Variants in PRUNE2 observed in about 807,000 individuals in gnomAD.
PRUNE2 encodes protein prune homolog 2.
A neutral mutation model predicts 252.0 loss-of-function variants in PRUNE2; 164 were observed. The ratio of observed to expected loss-of-function variants is 0.65; its 90% confidence interval spans 0.57 to 0.74. The LOEUF (loss-of-function observed/expected upper bound fraction) is 0.74. Among genes scored for constraint, PRUNE2 ranks in the 30% least tolerant of loss-of-function variants. PRUNE2 has a pLI of 0.00. For synonymous variants in PRUNE2, 1,292 were observed against 1,350.2 expected, an observed-to-expected ratio of 0.96 and a Z score of 0.94; for missense variants, 3,495 against 3,711.0, an observed-to-expected ratio of 0.94 and a Z score of 1.51.
At chr9:76,678,581 G>A (rs572227583) in intron 9 of PRUNE2, among the ~76,000 whole-genome samples, 2 of 152,248 alleles carry the variant, frequency 1.3e-5, no homozygotes, top group African/African-American at 4.8e-5. Flanking sequence ...TATAATCCCA[G>A]CACTTTAGGA....
chr9:76,832,624 TA>T (rs957871312), intron 4 of PRUNE2, among the ~76,000 whole-genome samples: 36 of 151,530 alleles, frequency 2.4e-4, no homozygotes, highest in Admixed American at 9.9e-4. Context: ...CGTTAAGTGT[TA>T]AAAAAAATAC....
intron 1 of PRUNE2, among the ~76,000 whole-genome samples, chr9:76,886,867 T>G (rs953429412): frequency 1.4e-4 from 22 of 152,206 alleles, no homozygotes; most frequent in African/African-American, 5.1e-4. Context: ...GATTATCTAT[T>G]GACTCTAAAA....
At chr9:76,831,032 C>T (rs565010215) in intron 4 of PRUNE2, among the ~76,000 whole-genome samples, 2 of 151,892 alleles carry the variant, frequency 1.3e-5, no homozygotes, top group African/African-American at 4.8e-5. Context: ...CGGGTTCACA[C>T]CATTCTCCTG....
rs942543926 is a variant in PRUNE2, at chr9:76,614,292, A to G, written c.*278T>C. 2 of 501,172 alleles carry G rather than the reference A, an allele frequency of 4.0e-6. No individual in the cohort carries two copies. The highest frequency in any genetic ancestry group is 4.0e-5 in the African/African-American group (2 of 50,502). The allele number at this position is 501,172 out of a possible 1,614,324, so 31.0% of individuals were successfully genotyped here. On this transcript the variant is annotated 3_prime_UTR_variant, in exon 19 of 19. Coordinates refer to ENST00000376718, the MANE Select transcript of PRUNE2 (RefSeq NM_015225.3). The stretch of plus-strand genomic sequence containing the variant: ...CCAGTCTAAGGGACAAAGTATCACT[A>G]CACCGTGTTAATGAAGTATTGAAAT...
At chr9:76,812,623 T>C (rs751058322) in intron 6 of PRUNE2, among the ~76,000 whole-genome samples, 1 of 152,262 alleles carries the variant, frequency 6.6e-6, no homozygotes, top group Admixed American at 6.5e-5. Context: ...CTTATGCTTA[T>C]GCCCAACACC....
intron 9 of PRUNE2, among the ~76,000 whole-genome samples, chr9:76,702,352 C>G (rs1009185315): frequency 2.6e-5 from 4 of 152,194 alleles, no homozygotes; most frequent in African/African-American, 7.2e-5. Context: ...ACCACCGCAC[C>G]TGGCCGATAT....
intron 6 of PRUNE2, chr9:76,736,482 G>A (rs1392562763): frequency 1.3e-5 from 2 of 152,202 alleles, no homozygotes; most frequent in African/African-American, 4.8e-5. Context: ...ATAAACAACA[G>A]AAATTTATCT....
intron 1 of PRUNE2, among the ~76,000 whole-genome samples, chr9:76,891,001 C>T (rs534338979): frequency 2.5e-4 from 38 of 152,328 alleles, no homozygotes; most frequent in African/African-American, 8.9e-4. Flanking sequence ...TTCATCTTTG[C>T]GCATATTGGC....
Position 76,709,830 on chromosome 9 carries a change from G to GT in PRUNE2, c.2443dup (p.Thr815AsnfsTer15). On this transcript the variant is annotated frameshift_variant, in exon 8 of 19. Coordinates refer to ENST00000376718, the MANE Select transcript of PRUNE2 (RefSeq NM_015225.3). LOFTEE classifies it high-confidence loss of function. ...GCTGCTTGTTGGGTGCAAATTCCAG[G>GT]TATTTTTTAAAGCTTCATCATGATC... 1 of 1,613,902 alleles carries GT rather than the reference G, an allele frequency of 6.2e-7. No individual in the cohort carries two copies. Among genetic ancestry groups the GT allele is most frequent in the Non-Finnish European group, 8.5e-7 (1 of 1,179,854 alleles).
chr9:76,819,711 G>A (rs763045301), intron 6 of PRUNE2, among the ~76,000 whole-genome samples: 2 of 152,184 alleles, frequency 1.3e-5, no homozygotes, highest in Non-Finnish European at 2.9e-5. Flanking sequence ...CGCTAATAAT[G>A]ACTAACAGTC....
intron 4 of PRUNE2, among the ~76,000 whole-genome samples, chr9:76,838,783 G>A (rs2059216968): frequency 6.6e-6 from 1 of 152,018 alleles, no homozygotes; most frequent in Non-Finnish European, 1.5e-5. Flanking sequence ...GTTAACGCTA[G>A]TTAGGGAGGG....
intron 7 of PRUNE2, among the ~76,000 whole-genome samples, chr9:76,712,650 C>T (rs756892339): frequency 9.9e-5 from 15 of 152,254 alleles, no homozygotes; most frequent in Non-Finnish European, 1.8e-4. Context: ...ATGTTGTAGG[C>T]TTCCAAGGCC....
intron 9 of PRUNE2, among the ~76,000 whole-genome samples, chr9:76,667,401 C>G (rs114771402): frequency 0.014 from 2,156 of 152,356 alleles, 42 homozygotes; most frequent in African/African-American, 0.049. Context: ...GCAGAACTGG[C>G]TGGGCTGGCA....
rs542380098 is a variant in PRUNE2, at chr9:76,707,772, T to C, written c.4502A>G (p.His1501Arg). ...FGDVPIDSDV[H>R]VSSTCSEITK... Reference sequence around the variant, plus strand: ...TATCTCAGAACATGTGCTGCTGACATGCACATCACTGTCTATAGGGACGTC... The same window carrying C: ...TATCTCAGAACATGTGCTGCTGACACGCACATCACTGTCTATAGGGACGTC... Residue 1501 changes from histidine to arginine, a missense_variant, in exon 8 of 19, where the codon CAT becomes CGT. Coordinates refer to ENST00000376718, the MANE Select transcript of PRUNE2 (RefSeq NM_015225.3). 243 of 1,613,500 alleles carry C rather than the reference T, an allele frequency of 1.5e-4. 1 individual carries two copies. Among genetic ancestry groups the C allele is most frequent in the Non-Finnish European group, 1.9e-4 (223 of 1,179,654 alleles).
intron 6 of PRUNE2, among the ~76,000 whole-genome samples, chr9:76,774,458 T>TTTATTTATTTA (rs2053499577): frequency 9.0e-5 from 3 of 33,290 alleles, no homozygotes; most frequent in East Asian, 1.8e-3. Flanking sequence ...CCCTTTTTTT[T>TTTATTTATTTA]TTTTTTTTTT....
chr9:76,775,471 G>GT (rs1348952886), intron 6 of PRUNE2, among the ~76,000 whole-genome samples: 6 of 134,656 alleles, frequency 4.5e-5, no homozygotes, highest in East Asian at 2.6e-4. Context: ...TAATTTTTGT[G>GT]GTTTTTTTTT....
intron 9 of PRUNE2, among the ~76,000 whole-genome samples, chr9:76,668,514 G>A (rs998265931): frequency 6.6e-6 from 1 of 152,110 alleles, no homozygotes; most frequent in African/African-American, 2.4e-5. Flanking sequence ...GATAGGAAGG[G>A]TTCTCCCATT....
At chr9:76,784,517 G>C (rs1274473701) in intron 6 of PRUNE2, 2 of 152,192 alleles carry the variant, frequency 1.3e-5, no homozygotes, top group Non-Finnish European at 2.9e-5. Context: ...CAAAGCTGTT[G>C]TAATATCTGA....
intron 6 of PRUNE2, among the ~76,000 whole-genome samples, chr9:76,724,132 G>A (rs2047889400): frequency 6.7e-6 from 1 of 149,830 alleles, no homozygotes; most frequent in South Asian, 2.1e-4. Flanking sequence ...AAATGTTTGG[G>A]AGATAATTCA....
Sources: allele counts gnomAD v4.1 joint callset (sites outside exome capture counted in the v4.1 genomes callset), GRCh38; gene constraint gnomAD v4.1.1; transcripts MANE v1.5; gene names NCBI Gene and HGNC (gene_info 2026-07-23, HGNC 2026-07-21).